NRP2: variants seen among roughly 807,000 people sequenced by gnomAD.
NRP2 encodes the protein neuropilin 2.
Under a neutral mutation model 110.4 loss-of-function variants are expected in NRP2, and 52 were observed. The ratio of observed to expected loss-of-function variants is 0.47; its 90% confidence interval spans 0.38 to 0.59. NRP2 has a LOEUF of 0.59. NRP2 is among the 20% of genes least tolerant of loss of function. The pLI is 0.00. For missense variants in NRP2, 1,049 were observed against 1,203.0 expected (o/e 0.87, Z 1.89); for synonymous variants, 508 against 468.9 (o/e 1.08, Z -1.08).
At chr2:205,704,193 C>T (rs2056622653) in intron 2 of NRP2, among the ~76,000 whole-genome samples, 1 of 152,196 alleles carries the variant, frequency 6.6e-6, no homozygotes, top group South Asian at 2.1e-4. Flanking sequence ...CTACACAAGA[C>T]TTTCTGAATC....
intron 1 of NRP2, among the ~76,000 whole-genome samples, chr2:205,695,588 C>G (rs921539402): frequency 6.6e-6 from 1 of 152,112 alleles, no homozygotes; most frequent in African/African-American, 2.4e-5. Flanking sequence ...TTTCCTCTGA[C>G]GAATTCCAAG....
At chr2:205,685,472 G>A (rs1450647515) in intron 1 of NRP2, among the ~76,000 whole-genome samples, 1 of 152,234 alleles carries the variant, frequency 6.6e-6, no homozygotes, top group Non-Finnish European at 1.5e-5. Flanking sequence ...TTCAGCCGCC[G>A]CCGCCGGCGA....
chr2:205,695,229 T>C (rs2056398484), intron 1 of NRP2, among the ~76,000 whole-genome samples: 1 of 152,248 alleles, frequency 6.6e-6, no homozygotes, highest in South Asian at 2.1e-4. Flanking sequence ...GGATGACTCC[T>C]TTTTCTTTTG....
chr2:205,791,426 G>A (rs1378611758), intron 15 of NRP2, among the ~76,000 whole-genome samples: 1 of 152,144 alleles, frequency 6.6e-6, no homozygotes, highest in East Asian at 1.9e-4. Context: ...CTCTATTAAT[G>A]TTTTACCATT....
intron 15 of NRP2, chr2:205,776,806 C>CA: frequency 2.2e-6 from 3 of 1,342,528 alleles, no homozygotes; most frequent in Non-Finnish European, 2.9e-6. Context: ...AAGCACTCCA[C>CA]AACTCAAGGC....
chr2:205,699,952 A>G (rs1025360405), intron 2 of NRP2, among the ~76,000 whole-genome samples: 2 of 125,506 alleles, frequency 1.6e-5, no homozygotes, highest in Non-Finnish European at 3.4e-5. Context: ...TCCTCCCCCC[A>G]TTTCTCCCCC....
intron 1 of NRP2, among the ~76,000 whole-genome samples, chr2:205,690,008 G>T (rs1027098370): frequency 6.6e-6 from 1 of 152,182 alleles, no homozygotes; most frequent in South Asian, 2.1e-4. Flanking sequence ...AGAAGCTCTC[G>T]GTAGCACAGA....
intron 2 of NRP2, among the ~76,000 whole-genome samples, chr2:205,711,175 C>T (rs2056790260): frequency 6.6e-6 from 1 of 152,172 alleles, no homozygotes; most frequent in East Asian, 1.9e-4. Flanking sequence ...AGCCTGAAGT[C>T]CCTTATTCAT....
intron 7 of NRP2, among the ~76,000 whole-genome samples, chr2:205,735,507 A>G (rs1336998541): frequency 1.3e-5 from 2 of 148,380 alleles, no homozygotes; most frequent in Non-Finnish European, 3.0e-5. Context: ...TATATTCTAT[A>G]TAATATATAG....
At chr2:205,758,547 G>A (rs533022637) in intron 12 of NRP2, among the ~76,000 whole-genome samples, 1 of 152,288 alleles carries the variant, frequency 6.6e-6, no homozygotes, top group East Asian at 1.9e-4. Context: ...ATGCTGAATG[G>A]CCCTGTCCTC....
chr2:205,741,463 A>G (rs897010635), intron 8 of NRP2, among the ~76,000 whole-genome samples: 2 of 152,230 alleles, frequency 1.3e-5, no homozygotes, highest in African/African-American at 2.4e-5. Flanking sequence ...AGGAGCATGG[A>G]CACAGCTTGT....
intron 6 of NRP2, among the ~76,000 whole-genome samples, chr2:205,727,419 C>T (rs572241558): frequency 6.6e-6 from 1 of 152,178 alleles, no homozygotes; most frequent in Non-Finnish European, 1.5e-5. Context: ...ACTAAATACA[C>T]AATGGAGCGA....
At position 205,795,035 on chromosome 2, in the gene NRP2, C is replaced by A. The variant is rs184981869; in HGVS notation, c.2758C>A (p.Gln920Lys). 82 of 1,614,176 alleles carry A rather than the reference C, an allele frequency of 5.1e-5. No homozygotes were observed. In the East Asian group the frequency reaches 1.1e-3, roughly 22 times the overall value. The change falls in exon 17 of 17, where the codon CAA becomes AAA. Residue 920 changes from glutamine to lysine, a missense_variant. Gln to Lys is a moderately conservative substitution (Grantham distance 53, BLOSUM62 1). Transcript: ENST00000357785. ...GLKHKVKMNHQKCCSEA is the reference protein window; with the variant it reads ...GLKHKVKMNHKKCCSEA ...TAAGCACAAGGTCAAGATGAACCAC[C>A]AAAAGTGCTGCTCCGAGGCATGACG...
chr2:205,700,439 A>G (rs1459618916), intron 2 of NRP2, among the ~76,000 whole-genome samples: 2 of 152,200 alleles, frequency 1.3e-5, no homozygotes, highest in East Asian at 1.9e-4. Context: ...GAAGCAGCCA[A>G]CTCAGCTGTG....
At chr2:205,757,991 G>A (rs1361080978) in intron 12 of NRP2, among the ~76,000 whole-genome samples, 3 of 151,908 alleles carry the variant, frequency 2.0e-5, no homozygotes, top group African/African-American at 4.8e-5. Flanking sequence ...CAGCCTCAAT[G>A]GCAAAACCTT....
intron 1 of NRP2, among the ~76,000 whole-genome samples, chr2:205,687,193 G>A (rs1342777629): frequency 6.6e-6 from 1 of 152,180 alleles, no homozygotes; most frequent in Non-Finnish European, 1.5e-5. Context: ...CAGATAAGAG[G>A]TGTAAATTGG....
chr2:205,738,796 G>T (rs2057390546), intron 7 of NRP2, among the ~76,000 whole-genome samples: 1 of 152,192 alleles, frequency 6.6e-6, no homozygotes, highest in Non-Finnish European at 1.5e-5. Context: ...CAGGCTGGGT[G>T]CGCAGGGGGC....
chr2:205,735,749 A>T (rs1408354320), intron 7 of NRP2, among the ~76,000 whole-genome samples: 2 of 152,104 alleles, frequency 1.3e-5, no homozygotes, highest in African/African-American at 4.8e-5. Context: ...TACTGAAAAC[A>T]AATCAGAGGT....
intron 6 of NRP2, among the ~76,000 whole-genome samples, chr2:205,727,311 G>T: frequency 6.6e-6 from 1 of 152,182 alleles, no homozygotes; most frequent in Non-Finnish European, 1.5e-5. Flanking sequence ...TAAAATGTTG[G>T]CCATCCTCCT....
Sources: allele counts gnomAD v4.1 joint callset (sites outside exome capture counted in the v4.1 genomes callset), GRCh38; gene constraint gnomAD v4.1.1; transcripts MANE v1.5; gene names NCBI Gene and HGNC (gene_info 2026-07-23, HGNC 2026-07-21).